The following DIAPH2 variants were observed in gnomAD, a reference collection of about 807,000 sequenced individuals.
DIAPH2 encodes diaphanous related formin 2, also known as protein diaphanous homolog 2.
Under a neutral mutation model 92.7 loss-of-function variants are expected in DIAPH2, and 35 were observed. The ratio of observed to expected loss-of-function variants is 0.38; its 90% CI spans 0.29 to 0.50. The LOEUF (loss-of-function observed/expected upper bound fraction) is 0.50, where lower values mean the gene tolerates loss of function less well. DIAPH2 is among the 20% of genes least tolerant of loss of function. The pLI, the probability that DIAPH2 is intolerant of heterozygous loss-of-function variation, is 0.94. For missense variants in DIAPH2, 701 were observed against 819.5 expected (o/e 0.86, Z 1.77); for synonymous variants, 301 against 280.4 (o/e 1.07, Z -0.73).
intron 23 of DIAPH2, among the ~76,000 whole-genome samples, chrX:97,335,380 A>G (rs1569365596): frequency 8.9e-6 from 1 of 111,829 alleles, no homozygotes; most frequent in Non-Finnish European, 1.9e-5. Flanking sequence ...AGTTTCTTAT[A>G]TATTATCGCA....
chrX:97,194,436 C>T (rs1195267453), intron 22 of DIAPH2, among the ~76,000 whole-genome samples: 1 of 109,844 alleles, frequency 9.1e-6, no homozygotes, highest in East Asian at 2.9e-4. Flanking sequence ...CACCCGCCAC[C>T]AAGCCCGGCT....
chrX:97,588,521 A>G (rs986080890), intron 26 of DIAPH2, among the ~76,000 whole-genome samples: 2 of 110,331 alleles, frequency 1.8e-5, no homozygotes, highest in Non-Finnish European at 3.8e-5. Context: ...AACTCTCTCC[A>G]GGTGATGTAA....
intron 21 of DIAPH2, among the ~76,000 whole-genome samples, chrX:97,136,818 T>A (rs777330955): frequency 3.0e-4 from 33 of 110,900 alleles, no homozygotes; most frequent in Non-Finnish European, 5.7e-4. Flanking sequence ...ACTGACTAAA[T>A]CCTGTTTTTC....
intron 19 of DIAPH2, among the ~76,000 whole-genome samples, chrX:97,098,170 C>T (rs2066881755): frequency 9.0e-6 from 1 of 111,364 alleles, no homozygotes. Flanking sequence ...GTTCTGTGTA[C>T]CCTACCCTAG....
At chrX:97,580,111 C>G (rs756112165) in intron 26 of DIAPH2, among the ~76,000 whole-genome samples, 89 of 110,924 alleles carry the variant, frequency 8.0e-4, no homozygotes, top group African/African-American at 2.8e-3. Flanking sequence ...ATGTCATCTG[C>G]AAACAGGGAC....
chrX:97,556,887 A>G (rs188647575), intron 26 of DIAPH2, among the ~76,000 whole-genome samples: 2 of 111,934 alleles, frequency 1.8e-5, no homozygotes, highest in Admixed American at 1.9e-4. Context: ...ATAGTGTCAC[A>G]AATATTAAAT....
chrX:97,013,517 G>A (rs1301612220), intron 17 of DIAPH2, among the ~76,000 whole-genome samples: 2 of 112,262 alleles, frequency 1.8e-5, no homozygotes, highest in Non-Finnish European at 3.8e-5. Context: ...ACAGACCAAG[G>A]CAATGCTCAG....
intron 9 of DIAPH2, among the ~76,000 whole-genome samples, chrX:96,928,082 AC>A (rs760429801): frequency 2.4e-4 from 27 of 111,057 alleles, no homozygotes; most frequent in Non-Finnish European, 4.2e-4. Flanking sequence ...AGTTTATGAG[AC>A]CTTTGGAATG....
chrX:96,799,548 G>A (rs754594381), intron 4 of DIAPH2, among the ~76,000 whole-genome samples: 1 of 112,161 alleles, frequency 8.9e-6, no homozygotes, highest in Admixed American at 9.5e-5. Context: ...AGTGGCTCAC[G>A]CCTATAATCC....
At chrX:97,323,351 G>C (rs2068917437) in intron 23 of DIAPH2, among the ~76,000 whole-genome samples, 1 of 104,731 alleles carries the variant, frequency 9.5e-6, no homozygotes, top group Admixed American at 1.0e-4. Flanking sequence ...CAGCACTTTG[G>C]GAGGCCGAGG....
rs141146599 is a variant in DIAPH2, at chrX:97,244,680, A to G, written c.2720-3035A>G. Among the ~76,000 whole-genome samples, 479 of 111,955 alleles carry G rather than the reference A, an allele frequency of 4.3e-3. 7 individuals are homozygous for G. Among genetic ancestry groups the G allele is most frequent in the African/African-American group, 0.015 (452 of 30,881 alleles). ...GAAAAATATGATAGGGAGAAGGAAA[A>G]GTATGTGCTAAGTATAATAAACTGG... On this transcript the variant is annotated intron_variant, in intron 22 of 26. Transcript: ENST00000324765.
chrX:97,290,618 T>C (rs748477236), intron 23 of DIAPH2, among the ~76,000 whole-genome samples: 1 of 112,519 alleles, frequency 8.9e-6, no homozygotes, highest in Non-Finnish European at 1.9e-5. Flanking sequence ...GCACAGGACT[T>C]ATGCCCAGGA....
intron 23 of DIAPH2, among the ~76,000 whole-genome samples, chrX:97,302,875 T>C (rs187010865): frequency 2.7e-3 from 299 of 111,039 alleles, no homozygotes; most frequent in African/African-American, 9.3e-3. Context: ...TCACAGCTAC[T>C]TGGGTGGCTG....
At chrX:97,205,702 G>A (rs760827287) in intron 22 of DIAPH2, among the ~76,000 whole-genome samples, 1 of 111,456 alleles carries the variant, frequency 9.0e-6, no homozygotes, top group African/African-American at 3.3e-5. Flanking sequence ...TTACACTATT[G>A]GTGGGAGTGT....
chrX:97,268,216 T>G (rs969645391), intron 23 of DIAPH2, among the ~76,000 whole-genome samples: 4 of 112,706 alleles, frequency 3.5e-5, no homozygotes, highest in African/African-American at 1.3e-4. Flanking sequence ...TGTTATTAAT[T>G]TGTAAAGTGA....
chrX:97,314,594 G>T (rs891519446), intron 23 of DIAPH2, among the ~76,000 whole-genome samples: 31 of 112,002 alleles, frequency 2.8e-4, no homozygotes, highest in African/African-American at 9.1e-4. Flanking sequence ...ATGAGTTAAA[G>T]ATAAGAGTCT....
chrX:97,007,748 G>A (rs1404006308), intron 17 of DIAPH2, among the ~76,000 whole-genome samples: 2 of 94,941 alleles, frequency 2.1e-5, no homozygotes, highest in Non-Finnish European at 4.2e-5. Flanking sequence ...TTTTAAGGCT[G>A]TTTTCTTTTT....
intron 1 of DIAPH2, among the ~76,000 whole-genome samples, 190 bp from the exon 2 acceptor site, chrX:96,735,568 C>G (rs1336978676): frequency 1.8e-5 from 2 of 111,313 alleles, no homozygotes; most frequent in African/African-American, 6.6e-5. Flanking sequence ...CTTTGCCAAA[C>G]CTTCATTTTT....
chrX:97,588,152 C>A (rs1349755937), intron 26 of DIAPH2, among the ~76,000 whole-genome samples: 1 of 111,989 alleles, frequency 8.9e-6, no homozygotes, highest in Non-Finnish European at 1.9e-5. Flanking sequence ...AGTGTAAGTA[C>A]CATTATTATC....
Sources: gnomAD v4.1 joint callset for allele counts (sites outside exome capture counted in the v4.1 genomes callset) on GRCh38, gnomAD v4.1.1 for gene constraint, MANE v1.5 for transcripts, NCBI Gene and HGNC (gene_info 2026-07-23, HGNC 2026-07-21) for gene names.